SLIT1: variants seen among roughly 807,000 people sequenced by gnomAD.
SLIT1 encodes slit homolog 1 protein.
In SLIT1, 66 loss-of-function variants were observed where a neutral mutation model predicts 186.1. The ratio of observed to expected loss-of-function variants is 0.35; its 90% CI spans 0.29 to 0.44. SLIT1 has a LOEUF of 0.44. Ranked by LOEUF, SLIT1 falls within the 20% of genes least tolerant of loss-of-function variation. The probability of loss-of-function intolerance (pLI) is 1.00; values close to 1 mark genes in which losing one functional copy is unlikely to be tolerated. For missense variants in SLIT1, 1,638 were observed against 2,037.4 expected, an observed-to-expected ratio of 0.80 and a Z score of 3.77; for synonymous variants, 761 against 833.8, an observed-to-expected ratio of 0.91 and a Z score of 1.50.
rs762626666 is a variant in SLIT1, at chr10:97,004,788, G to A, written c.3615C>T (p.Tyr1205=). The stretch of plus-strand genomic sequence containing the variant: ...CTGCAATGTGGTCGTTGTCCCCGTT[G>A]TACAGAAGGATCCCATTGTCCTCTG... The part of the protein sequence containing the change: ...STAEDNGILL[Y]NGDNDHIAVE... Residue 1205 remains tyrosine, a synonymous_variant, in exon 33 of 37, where the codon TAC becomes TAT. Coordinates refer to ENST00000266058, the MANE Select transcript of SLIT1 (RefSeq NM_003061.3). This position sits in a 1 kb window ranked among gnomAD's most constrained non-coding sequence, Gnocchi z 5.1. 1.1e-4 allele frequency: 180 copies of A among 1,614,024 alleles called. No homozygotes were observed. The highest frequency in any genetic ancestry group is 1.5e-4 in the Non-Finnish European group (177 of 1,180,016).
At chr10:97,182,152 C>G (rs1850346949) in intron 1 of SLIT1, among the ~76,000 whole-genome samples, 1 of 152,238 alleles carries the variant, frequency 6.6e-6, no homozygotes, top group African/African-American at 2.4e-5. Flanking sequence ...CCCACAGCCC[C>G]TCTGGCTGAA....
intron 4 of SLIT1, among the ~76,000 whole-genome samples, chr10:97,096,703 G>A (rs1849294590): frequency 6.6e-6 from 1 of 151,962 alleles, no homozygotes; most frequent in African/African-American, 2.4e-5. Context: ...GGGAGGCGGA[G>A]AGCCCCCTTC....
chr10:97,034,414 G>T (rs890538147), intron 23 of SLIT1, 57 bp downstream of exon 23: 4 of 1,234,028 alleles, frequency 3.2e-6, no homozygotes, highest in Non-Finnish European at 4.8e-6. Context: ...CTGGGGCTAG[G>T]GAATGACTCA....
Position 97,006,601 on chromosome 10 carries a change from A to T in SLIT1, c.3461T>A (p.Leu1154His), listed in dbSNP as rs1486703960. ...ACACTCAGGGCCACCGAAGCCTGGGAGGCACTGGCACACAGGCCTGTTGCC... is the reference window on the plus strand; with the variant it reads ...ACACTCAGGGCCACCGAAGCCTGGGTGGCACTGGCACACAGGCCTGTTGCC... ...DQGNRPVCQC[L>H]PGFGGPECEK... The change falls in exon 32 of 37, where the codon CTC (leucine) becomes CAC (histidine). Residue 1154 changes from leucine to histidine, a missense_variant. By Grantham distance (99) the Leu-to-His change is moderately conservative. Coordinates refer to ENST00000266058, the MANE Select transcript of SLIT1 (RefSeq NM_003061.3). The surrounding 1 kb of genome is among the most constrained non-coding windows in gnomAD (Gnocchi z 4.0). 2.5e-6 allele frequency: 4 copies of T among 1,614,032 alleles called. No homozygotes were observed. Among genetic ancestry groups the T allele is most frequent in the African/African-American group, 2.7e-5 (2 of 74,940 alleles).
chr10:97,042,957 A>T lies in SLIT1; in HGVS notation c.2108T>A (p.Phe703Tyr). ...TGNPRCQNPD[F>Y]LRQIPLQDVA... ...GTCCTGCAGGGGAATCTGCCGCAAA[A>T]AGTCAGGGTTCTGGCATCGCGGGTT... Residue 703 changes from phenylalanine to tyrosine, a missense_variant, in exon 20 of 37, where the codon TTT becomes TAT. Phe to Tyr is a conservative substitution (Grantham distance 22, BLOSUM62 3). Coordinates refer to ENST00000266058, the MANE Select transcript of SLIT1 (RefSeq NM_003061.3). 6.2e-7 allele frequency: 1 copy of T among 1,614,152 alleles called. No individual in the cohort carries two copies. Among genetic ancestry groups the T allele is most frequent in the Non-Finnish European group, 8.5e-7 (1 of 1,180,014 alleles).
In SLIT1 at chr10:97,020,193, G is replaced by A. The variant is rs552628045; in HGVS notation, c.2746+1057C>T. Among the ~76,000 whole-genome samples, 4 of 151,644 alleles carry A rather than the reference G, an allele frequency of 2.6e-5. No homozygotes were observed. In the South Asian group the frequency reaches 6.3e-4, roughly 24 times the overall value. Reference sequence around the variant, plus strand: ...TCTCCATGTTGCCCAGGCTGGTCTCGAACTCCTGGGCTCAAGCGACCCTCC... The same window carrying A: ...TCTCCATGTTGCCCAGGCTGGTCTCAAACTCCTGGGCTCAAGCGACCCTCC... On this transcript the variant is annotated intron_variant, in intron 26 of 36. Coordinates refer to ENST00000266058, the MANE Select transcript of SLIT1 (RefSeq NM_003061.3).
chr10:97,023,737 G>C (rs1848520934), intron 25 of SLIT1, among the ~76,000 whole-genome samples: 1 of 152,224 alleles, frequency 6.6e-6, no homozygotes, highest in Admixed American at 6.5e-5. Context: ...CAGGTCAGGA[G>C]TTCGAGACCA....
chr10:97,120,200 T>C (rs1022747712), intron 4 of SLIT1, among the ~76,000 whole-genome samples: 2 of 151,656 alleles, frequency 1.3e-5, no homozygotes, highest in Non-Finnish European at 2.9e-5. Context: ...CAGCCCAGGG[T>C]TGGGCAAGAA....
At chr10:97,084,046 G>A (rs916254415) in intron 4 of SLIT1, among the ~76,000 whole-genome samples, 1 of 152,146 alleles carries the variant, frequency 6.6e-6, no homozygotes, top group Admixed American at 6.5e-5. Flanking sequence ...GGCCAGCTCT[G>A]CAAAACCTGA....
chr10:97,030,271 T>C lies in SLIT1; in HGVS notation c.2582+486A>G, dbSNP rs147685614. ...ATTCTACATTGAATTACAGCACCTA[T>C]TGGAGGCAGTAAATTTCCAGAGCTT... On this transcript the variant is annotated intron_variant, in intron 25 of 36. Coordinates refer to ENST00000266058, the MANE Select transcript of SLIT1 (RefSeq NM_003061.3). 4.5e-3 allele frequency among the ~76,000 whole-genome samples: 684 copies of C among 152,334 alleles called. 1 individual carries two copies. Among genetic ancestry groups the C allele is most frequent in the Non-Finnish European group, 7.2e-3 (487 of 68,024 alleles).
intron 4 of SLIT1, among the ~76,000 whole-genome samples, chr10:97,150,215 G>A (rs1849862168): frequency 6.6e-6 from 1 of 152,184 alleles, no homozygotes; most frequent in Non-Finnish European, 1.5e-5. Flanking sequence ...GCTCAGTTCT[G>A]CAGTTCTGCT....
chr10:97,027,027 C>G (rs2134605739), intron 25 of SLIT1, among the ~76,000 whole-genome samples: 1 of 152,308 alleles, frequency 6.6e-6, no homozygotes, highest in East Asian at 1.9e-4. Flanking sequence ...TCCACACACC[C>G]CTCCTCCACA....
chr10:97,059,949 G>A, intron 10 of SLIT1, 138 bp downstream of exon 10: 1 of 760,690 alleles, frequency 1.3e-6, no homozygotes, highest in South Asian at 1.5e-5. Context: ...GCAGCCTGAA[G>A]GGCAGGAAGG....
At chr10:97,151,488 G>C (rs960349254) in intron 4 of SLIT1, among the ~76,000 whole-genome samples, 1 of 151,674 alleles carries the variant, frequency 6.6e-6, no homozygotes, top group Non-Finnish European at 1.5e-5. Flanking sequence ...TAGGGAGAGA[G>C]ATGGGTGGGT....
At chr10:97,023,758 A>T (rs1848521074) in intron 25 of SLIT1, among the ~76,000 whole-genome samples, 1 of 152,176 alleles carries the variant, frequency 6.6e-6, no homozygotes, top group East Asian at 1.9e-4. Flanking sequence ...GCCTGGCCAA[A>T]ATGGTGAAAC....
chr10:97,056,427 C>A lies in SLIT1; in HGVS notation c.1195G>T (p.Asp399Tyr). Reference protein sequence around the residue: ...NANKINCIRPDAFQDLQNLSL... With the variant: ...NANKINCIRPYAFQDLQNLSL... Reference sequence around the variant, plus strand: ...AGGTTCTGCAGGTCCTGGAAGGCATCGGGCCGGATGCAGTTGATCTTGTTG... The same window carrying A: ...AGGTTCTGCAGGTCCTGGAAGGCATAGGGCCGGATGCAGTTGATCTTGTTG... Residue 399 changes from aspartate to tyrosine, a missense_variant, in exon 13 of 37, where the codon GAT (aspartate) becomes TAT (tyrosine). By Grantham distance (160) the Asp-to-Tyr change is radical. Coordinates refer to ENST00000266058, the MANE Select transcript of SLIT1 (RefSeq NM_003061.3). 6.2e-7 allele frequency: 1 copy of A among 1,614,168 alleles called. No homozygotes were observed. The highest frequency in any genetic ancestry group is 8.5e-7 in the Non-Finnish European group (1 of 1,180,012).
At chr10:97,007,592 A>G (rs1261560197) in intron 31 of SLIT1, among the ~76,000 whole-genome samples, 1 of 152,166 alleles carries the variant, frequency 6.6e-6, no homozygotes, top group Non-Finnish European at 1.5e-5. Context: ...ATTATATACA[A>G]TGACCAAGTG....
At chr10:97,133,214 G>A (rs1223008311) in intron 4 of SLIT1, among the ~76,000 whole-genome samples, 3 of 152,208 alleles carry the variant, frequency 2.0e-5, no homozygotes, top group Admixed American at 1.3e-4. Flanking sequence ...CAACAGGGAT[G>A]AGCCTTGAGG....
intron 1 of SLIT1, among the ~76,000 whole-genome samples, chr10:97,174,281 C>A (rs1318050129): frequency 4.6e-5 from 7 of 152,230 alleles, no homozygotes; most frequent in Non-Finnish European, 1.0e-4. Flanking sequence ...GTGAGGATAC[C>A]TGGCACATAG....
Sources: allele counts gnomAD v4.1 joint callset (sites outside exome capture counted in the v4.1 genomes callset), GRCh38; gene constraint gnomAD v4.1.1; non-coding constraint Gnocchi (gnomAD v3.1); transcripts MANE v1.5; gene names NCBI Gene and HGNC (gene_info 2026-07-23, HGNC 2026-07-21).